Variants in MAST4 observed in about 807,000 individuals in gnomAD.
The protein encoded by MAST4 is microtubule associated serine/threonine kinase family member 4, also known as microtubule-associated serine/threonine-protein kinase 4.
A neutral mutation model predicts 162.7 loss-of-function variants in MAST4; 89 were observed. The ratio of observed to expected loss-of-function variants is 0.55; its 90% CI spans 0.46 to 0.65. The LOEUF (loss-of-function observed/expected upper bound fraction) is 0.65, where lower values mean the gene tolerates loss of function less well. Ranked by LOEUF, MAST4 falls within the 30% of genes least tolerant of loss-of-function variation. The probability of loss-of-function intolerance (pLI) is 0.00; values close to 1 mark genes in which losing one functional copy is unlikely to be tolerated. For missense variants in MAST4, 3,153 were observed against 3,374.0 expected (o/e 0.93, Z 1.62); for synonymous variants, 1,479 against 1,361.1 (o/e 1.09, Z -1.91).
chr5:66,740,506 T>C (rs1752425160), intron 1 of MAST4, among the ~76,000 whole-genome samples: 1 of 152,222 alleles, frequency 6.6e-6, no homozygotes, highest in South Asian at 2.1e-4. Context: ...GCTTGTTACA[T>C]CTGTGCTTGG....
intron 3 of MAST4, among the ~76,000 whole-genome samples, chr5:66,824,627 CTT>C (rs1043230150): frequency 1.2e-4 from 18 of 152,208 alleles, no homozygotes; most frequent in African/African-American, 4.1e-4. Context: ...AGAGAGGTAA[CTT>C]ATTTCTAAGT....
In MAST4 at chr5:66,877,273, G is replaced by A. The variant is rs185216252; in HGVS notation, c.643-22678G>A. ...CCACCTGTAAGGTAAGTACTGCTATGGGGAGCAATGGGATAGCTAATACTG... is the reference window on the plus strand; with the variant it reads ...CCACCTGTAAGGTAAGTACTGCTATAGGGAGCAATGGGATAGCTAATACTG... On this transcript the variant is annotated intron_variant, in intron 3 of 28. Transcript: ENST00000403625. Among the ~76,000 whole-genome samples the A allele has an allele frequency of 2.0e-5, 3 of 152,294 alleles. No individual in the cohort carries two copies. In the East Asian group the frequency reaches 5.8e-4, roughly 29 times the overall value.
intron 13 of MAST4, among the ~76,000 whole-genome samples, chr5:67,119,194 T>C (rs572955518): frequency 4.0e-5 from 6 of 151,106 alleles, no homozygotes; most frequent in Non-Finnish European, 8.9e-5. Context: ...GGTGTATGGG[T>C]ATATGAGGGT....
At chr5:66,647,290 G>C (rs1745904480) in intron 1 of MAST4, among the ~76,000 whole-genome samples, 1 of 152,106 alleles carries the variant, frequency 6.6e-6, no homozygotes, top group South Asian at 2.1e-4. Flanking sequence ...TGAGGTAGGA[G>C]AGCCCTCTCT....
intron 1 of MAST4, among the ~76,000 whole-genome samples, chr5:66,680,640 G>A (rs1421996587): frequency 6.6e-6 from 1 of 152,134 alleles, no homozygotes; most frequent in East Asian, 1.9e-4. Context: ...CAGTGAACAG[G>A]GGCCATACTT....
At chr5:66,670,005 C>T (rs1747508252) in intron 1 of MAST4, among the ~76,000 whole-genome samples, 1 of 152,192 alleles carries the variant, frequency 6.6e-6, no homozygotes, top group African/African-American at 2.4e-5. Flanking sequence ...GCCTGGGAAG[C>T]CAGGTGACTG....
At chr5:66,821,981 G>A (rs1305165751) in intron 3 of MAST4, among the ~76,000 whole-genome samples, 1 of 152,186 alleles carries the variant, frequency 6.6e-6, no homozygotes, top group Non-Finnish European at 1.5e-5. Context: ...TACCTTGAGG[G>A]CAGTGAGACC....
intron 1 of MAST4, among the ~76,000 whole-genome samples, chr5:66,658,603 C>T (rs1307961665): frequency 2.6e-5 from 4 of 152,138 alleles, no homozygotes; most frequent in African/African-American, 9.7e-5. Context: ...TATGAGCTTG[C>T]AGGGTGTGGT....
chr5:67,164,409 A>G lies in MAST4; in HGVS notation c.5230A>G (p.Ser1744Gly), dbSNP rs758768683. 6.8e-6 allele frequency: 11 copies of G among 1,614,050 alleles called. No homozygotes were observed. The highest frequency in any genetic ancestry group is 9.3e-6 in the Non-Finnish European group (11 of 1,179,890). The change falls in exon 29 of 29, where the codon AGC becomes GGC. Residue 1744 changes from serine to glycine, a missense_variant. Ser to Gly is a moderately conservative substitution (Grantham distance 56). Coordinates refer to ENST00000403625, the MANE Select transcript of MAST4 (RefSeq NM_001164664.2). This position sits in a 1 kb window ranked among gnomAD's most constrained non-coding sequence, Gnocchi z 5.3. ...PASESRAFVS[S>G]THAAQMSAVS... is the part of the protein sequence containing the mutation. ...TTCTGAGAGCCGAGCTTTTGTCAGC[A>G]GCACCCATGCAGCTCAGATGAGTGC...
At chr5:66,830,599 TA>T (rs1757533684) in intron 3 of MAST4, among the ~76,000 whole-genome samples, 1 of 152,174 alleles carries the variant, frequency 6.6e-6, no homozygotes, top group Non-Finnish European at 1.5e-5. Flanking sequence ...AATAACAACA[TA>T]AAAGTGCTTG....
intron 3 of MAST4, among the ~76,000 whole-genome samples, chr5:66,824,090 C>G (rs761965390): frequency 9.2e-5 from 14 of 152,194 alleles, no homozygotes; most frequent in Non-Finnish European, 1.6e-4. Flanking sequence ...TGACTTACCT[C>G]TGAATGAACA....
chr5:66,786,590 C>T (rs963917720), intron 2 of MAST4, among the ~76,000 whole-genome samples: 1 of 152,102 alleles, frequency 6.6e-6, no homozygotes, highest in African/African-American at 2.4e-5. Flanking sequence ...ACCATTTATT[C>T]CTGTAATATT....
At chr5:66,732,950 G>C (rs1404533235) in intron 1 of MAST4, among the ~76,000 whole-genome samples, 1 of 152,158 alleles carries the variant, frequency 6.6e-6, no homozygotes, top group African/African-American at 2.4e-5. Flanking sequence ...CAATTTGAAA[G>C]TCCTGCTGTT....
At chr5:66,703,671 T>C (rs1749641174) in intron 1 of MAST4, among the ~76,000 whole-genome samples, 1 of 152,202 alleles carries the variant, frequency 6.6e-6, no homozygotes, top group Non-Finnish European at 1.5e-5. Context: ...TACAGAGTTG[T>C]TGCCCTCATG....
Position 67,167,059 on chromosome 5 carries a change from G to A in MAST4, c.*8G>A. On this transcript the variant is annotated 3_prime_UTR_variant, in exon 29 of 29. Transcript: ENST00000403625. ...CACAAAAAGGCCTTGTAACGGGGAG[G>A]GCCCAGGGGCAGGACTGTGGAGACC... 1.9e-6 allele frequency: 3 copies of A among 1,568,628 alleles called. No homozygotes were observed. Among genetic ancestry groups the A allele is most frequent in the Non-Finnish European group, 2.6e-6 (3 of 1,157,130 alleles).
intron 23 of MAST4, among the ~76,000 whole-genome samples, chr5:67,148,441 G>T (rs767336732): frequency 6.6e-6 from 1 of 152,186 alleles, no homozygotes; most frequent in Non-Finnish European, 1.5e-5. Context: ...TCACCCTGCT[G>T]CAGAGCTTTC....
In MAST4 at chr5:66,750,577, G is replaced by A. The variant is rs1232750377; in HGVS notation, c.364-9132G>A. The stretch of plus-strand genomic sequence containing the variant: ...CGGGTCACTCCCACCCGAATACTGC[G>A]CTTTTCCGACCGGCTTAAAAAACGG... On this transcript the variant is annotated intron_variant, in intron 1 of 28. Coordinates refer to ENST00000403625, the MANE Select transcript of MAST4 (RefSeq NM_001164664.2). Among the ~76,000 whole-genome samples the A allele has an allele frequency of 1.6e-4, 25 of 152,310 alleles. No homozygotes were observed. In the East Asian group the frequency reaches 2.7e-3, roughly 16 times the overall value.
At chr5:66,601,284 C>A (rs1475923354) in intron 1 of MAST4, among the ~76,000 whole-genome samples, 1 of 152,070 alleles carries the variant, frequency 6.6e-6, no homozygotes, top group Non-Finnish European at 1.5e-5. Flanking sequence ...TGGACTCTAC[C>A]AAATTCAGTA....
At chr5:67,154,557 T>C (rs1772250663) in intron 26 of MAST4, among the ~76,000 whole-genome samples, 1 of 152,236 alleles carries the variant, frequency 6.6e-6, no homozygotes, top group Non-Finnish European at 1.5e-5. Flanking sequence ...GCAAGGTCTC[T>C]TAGCAGACTC....
Sources: gnomAD v4.1 joint callset for allele counts (sites outside exome capture counted in the v4.1 genomes callset) on GRCh38, gnomAD v4.1.1 for gene constraint, Gnocchi (gnomAD v3.1) non-coding constraint, MANE v1.5 for transcripts, NCBI Gene and HGNC (gene_info 2026-07-23, HGNC 2026-07-21) for gene names.